The following MAP7 variants were observed in gnomAD, a reference collection of about 807,000 sequenced individuals.
The protein encoded by MAP7 is microtubule associated protein 7, also known as ensconsin.
A neutral mutation model predicts 94.8 loss-of-function variants in MAP7; 52 were observed. The observed-to-expected ratio is 0.55, with a 90% CI of 0.44 to 0.69. MAP7 has a LOEUF of 0.69. Ranked by LOEUF, MAP7 falls within the 30% of genes least tolerant of loss-of-function variation. The probability of loss-of-function intolerance (pLI) is 0.00; values close to 1 mark genes in which losing one functional copy is unlikely to be tolerated. For synonymous variants in MAP7, 350 were observed against 357.0 expected, an observed-to-expected ratio of 0.98 and a Z score of 0.22; for missense variants, 940 against 964.6, an observed-to-expected ratio of 0.97 and a Z score of 0.34.
At chr6:136,367,081 CAGGAATAAACTGAAATCTGA>C (rs1345060035) in intron 8 of MAP7, among the ~76,000 whole-genome samples, 1 of 152,036 alleles carries the variant, frequency 6.6e-6, no homozygotes, top group Non-Finnish European at 1.5e-5. Flanking sequence ...TCTTCCTTAC[CAGGAATAAACTGAAATCTGA>C]AGGTGGGCCA....
intron 1 of MAP7, among the ~76,000 whole-genome samples, chr6:136,548,008 T>A (rs987299608): frequency 6.6e-6 from 1 of 151,944 alleles, no homozygotes; most frequent in Admixed American, 6.6e-5. Flanking sequence ...GAAATAAAAT[T>A]AATCCCTCAA....
rs764415500 is a variant in MAP7 at position 136,415,404 on chromosome 6, T to C, written c.167-3707A>G. Among the ~76,000 whole-genome samples the C allele has an allele frequency of 7.2e-5, 11 of 152,244 alleles. 1 individual carries two copies. Among genetic ancestry groups the C allele is most frequent in the Non-Finnish European group, 1.5e-4 (10 of 68,042 alleles). Reference sequence around the variant, plus strand: ...CAATATTTCAATTAAGTATGTGCCATGTCTAGCTTACTTTCAAGTACATGC... The same window carrying C: ...CAATATTTCAATTAAGTATGTGCCACGTCTAGCTTACTTTCAAGTACATGC... On this transcript the variant is annotated intron_variant, in intron 2 of 17. Transcript: ENST00000354570.
chr6:136,345,104 A>G (rs1248217432), intron 17 of MAP7, among the ~76,000 whole-genome samples: 1 of 152,196 alleles, frequency 6.6e-6, no homozygotes, highest in South Asian at 2.1e-4. Flanking sequence ...AATTCCTGAG[A>G]CTGATGGGAT....
chr6:136,499,866 C>T (rs1819357835), intron 1 of MAP7, among the ~76,000 whole-genome samples: 1 of 152,004 alleles, frequency 6.6e-6, no homozygotes, highest in Non-Finnish European at 1.5e-5. Flanking sequence ...CATGGTGGCA[C>T]ATGCCTATAG....
chr6:136,545,247 C>A (rs1197744543), intron 1 of MAP7: 1 of 151,740 alleles, frequency 6.6e-6, no homozygotes, highest in Non-Finnish European at 1.5e-5. Context: ...AGAGATTTGG[C>A]TAATCTGGCT....
chr6:136,544,912 T>C (rs571457680), intron 1 of MAP7, among the ~76,000 whole-genome samples: 81 of 152,214 alleles, frequency 5.3e-4, no homozygotes, highest in African/African-American at 1.9e-3. Context: ...CCAGGCAACA[T>C]AGCAAGACCC....
At chr6:136,525,975 C>CT in intron 1 of MAP7, 1 of 1,459,404 alleles carries the variant, frequency 6.9e-7, no homozygotes, top group Non-Finnish European at 8.9e-7. Flanking sequence ...ACCGCTGCTA[C>CT]TTGTTTTTTT....
At chr6:136,388,594 G>C in intron 4 of MAP7, 84 bp from the exon 5 acceptor site, 1 of 1,019,788 alleles carries the variant, frequency 9.8e-7, no homozygotes, top group South Asian at 1.3e-5. Context: ...GGAGTGAGGA[G>C]TACTACTTCA....
chr6:136,543,568 T>C (rs1451072026), intron 1 of MAP7, among the ~76,000 whole-genome samples: 1 of 152,142 alleles, frequency 6.6e-6, no homozygotes, highest in Non-Finnish European at 1.5e-5. Flanking sequence ...GAGAATCGCT[T>C]GAACCCAGGA....
Position 136,380,983 on chromosome 6 carries a change from A to G in MAP7, c.637+2688T>C, listed in dbSNP as rs535779892. Among the ~76,000 whole-genome samples, 7 of 152,356 alleles carry G rather than the reference A, an allele frequency of 4.6e-5. No individual in the cohort carries two copies. The South Asian group carries it at 1.4e-3, about 32-fold the overall frequency. ...GGAGCCTCAATTTAATCTCAGCTTT[A>G]AGGCCTATGCCTTAGGACTGAGAAA... On this transcript the variant is annotated intron_variant, in intron 6 of 17. Transcript: ENST00000354570.
chr6:136,549,253 G>A (rs185674096), intron 1 of MAP7, among the ~76,000 whole-genome samples: 6 of 152,154 alleles, frequency 3.9e-5, no homozygotes, highest in Admixed American at 6.6e-5. Flanking sequence ...GATTGTGACC[G>A]TATGGAAGTG....
chr6:136,393,328 G>C (rs909397806), intron 3 of MAP7, among the ~76,000 whole-genome samples: 1 of 152,096 alleles, frequency 6.6e-6, no homozygotes, highest in Non-Finnish European at 1.5e-5. Flanking sequence ...TTTTGAGAAG[G>C]CATACTCATA....
At chr6:136,454,438 C>G (rs528474187) in intron 1 of MAP7, among the ~76,000 whole-genome samples, 36 of 152,154 alleles carry the variant, frequency 2.4e-4, no homozygotes, top group African/African-American at 7.5e-4. Flanking sequence ...TTCTAAGTAA[C>G]TGGGACTACA....
intron 1 of MAP7, chr6:136,475,906 T>G (rs1019240392): frequency 6.6e-6 from 1 of 152,214 alleles, no homozygotes; most frequent in Non-Finnish European, 1.5e-5. Flanking sequence ...CCTTCCTTTA[T>G]GAGCGCAGCC....
chr6:136,356,637 G>A, intron 16 of MAP7, 55 bp downstream of exon 16: 1 of 1,363,472 alleles, frequency 7.3e-7, no homozygotes, highest in East Asian at 2.3e-5. Flanking sequence ...TTCTGGTGGA[G>A]CTGGTGGGTA....
chr6:136,478,629 T>C lies in MAP7; in HGVS notation c.68-56830A>G, dbSNP rs551978221. Reference sequence around the variant, plus strand: ...ATGAAAAAGGAGGCATTACAACCAATATTGCAGAAATTCAAAGGATCATTA... The same window carrying C: ...ATGAAAAAGGAGGCATTACAACCAACATTGCAGAAATTCAAAGGATCATTA... On this transcript the variant is annotated intron_variant, in intron 1 of 17. Transcript: ENST00000354570. 1.6e-4 allele frequency among the ~76,000 whole-genome samples: 25 copies of C among 151,992 alleles called. No individual in the cohort carries two copies. In the East Asian group the frequency reaches 3.9e-3, roughly 23 times the overall value.
intron 2 of MAP7, among the ~76,000 whole-genome samples, chr6:136,412,439 A>G (rs1787791237): frequency 1.3e-5 from 2 of 152,238 alleles, no homozygotes; most frequent in South Asian, 4.1e-4. Context: ...TATACATAGA[A>G]TGAAAGAAGG....
At chr6:136,456,822 G>GGAAGATGAA (rs1803286218) in intron 1 of MAP7, among the ~76,000 whole-genome samples, 1 of 69,024 alleles carries the variant, frequency 1.4e-5, no homozygotes, top group Non-Finnish European at 2.6e-5. Flanking sequence ...AGAAGAAGAA[G>GGAAGATGAA]GAAGAAGAAG....
chr6:136,472,610 A>C (rs1441062378), intron 1 of MAP7, among the ~76,000 whole-genome samples: 1 of 152,156 alleles, frequency 6.6e-6, no homozygotes, highest in African/African-American at 2.4e-5. Context: ...CACTCTCCTC[A>C]GTGAGTAGCA....
Sources: gnomAD v4.1 joint callset for allele counts (sites outside exome capture counted in the v4.1 genomes callset) on GRCh38, gnomAD v4.1.1 for gene constraint, MANE v1.5 for transcripts, NCBI Gene and HGNC (gene_info 2026-07-23, HGNC 2026-07-21) for gene names.